The following KLHL1 variants were observed in gnomAD, a reference collection of about 807,000 sequenced individuals.
KLHL1 encodes the protein kelch-like protein 1.
Under a neutral mutation model 77.7 loss-of-function variants are expected in KLHL1, and 47 were observed. That is an observed-to-expected ratio of 0.60 (90% confidence interval 0.48 to 0.77). KLHL1 has a LOEUF of 0.77. Ranked by LOEUF, KLHL1 falls within the 30% of genes least tolerant of loss-of-function variation. The pLI is 0.00. For missense variants in KLHL1, 925 were observed against 910.8 expected (o/e 1.02, Z -0.20); for synonymous variants, 360 against 325.2 (o/e 1.11, Z -1.15).
At chr13:69,816,011 C>A (rs976603211) in intron 6 of KLHL1, among the ~76,000 whole-genome samples, 34 of 151,354 alleles carry the variant, frequency 2.2e-4, no homozygotes, top group African/African-American at 7.5e-4. Flanking sequence ...AAAATAGAAA[C>A]CTCAAAATAA....
chr13:69,754,094 A>C (rs1874606029), intron 7 of KLHL1, among the ~76,000 whole-genome samples: 1 of 151,906 alleles, frequency 6.6e-6, no homozygotes, highest in African/African-American at 2.4e-5. Context: ...CACCTGCCTC[A>C]GCCTCCCAAA....
intron 1 of KLHL1, among the ~76,000 whole-genome samples, chr13:70,028,979 T>TAAA (rs5804464): frequency 2.0e-3 from 301 of 146,972 alleles, no homozygotes; most frequent in Non-Finnish European, 3.3e-3. Context: ...GAAAACTTGT[T>TAAA]AAAAAAAAAA....
At chr13:69,995,452 T>C (rs1358303681) in intron 1 of KLHL1, among the ~76,000 whole-genome samples, 1 of 152,136 alleles carries the variant, frequency 6.6e-6, no homozygotes, top group African/African-American at 2.4e-5. Flanking sequence ...AGTCATCATG[T>C]ATTATTATGC....
intron 1 of KLHL1, among the ~76,000 whole-genome samples, chr13:70,098,329 C>T (rs750823342): frequency 2.0e-5 from 3 of 151,794 alleles, no homozygotes; most frequent in East Asian, 3.9e-4. Context: ...TTTATTTTTG[C>T]TAATTATCTA....
At chr13:69,838,449 T>G (rs1879116218) in intron 6 of KLHL1, among the ~76,000 whole-genome samples, 1 of 151,838 alleles carries the variant, frequency 6.6e-6, no homozygotes, top group Non-Finnish European at 1.5e-5. Flanking sequence ...AATCTTCAAA[T>G]GCATATGTTT....
At chr13:70,037,605 C>G (rs950084336) in intron 1 of KLHL1, among the ~76,000 whole-genome samples, 1 of 151,820 alleles carries the variant, frequency 6.6e-6, no homozygotes, top group East Asian at 1.9e-4. Context: ...TCTTTAGTTT[C>G]TTTTTTTCTT....
chr13:70,092,435 ATAT>A (rs1220955116), intron 1 of KLHL1, among the ~76,000 whole-genome samples: 1 of 152,170 alleles, frequency 6.6e-6, no homozygotes, highest in Non-Finnish European at 1.5e-5. Context: ...TTAAAATAAT[ATAT>A]TAAACTCTGT....
At chr13:69,831,680 A>G (rs1298484255) in intron 6 of KLHL1, among the ~76,000 whole-genome samples, 1 of 150,052 alleles carries the variant, frequency 6.7e-6, no homozygotes, top group East Asian at 1.9e-4. Context: ...CCTAATACAC[A>G]TATATGCAAA....
At chr13:69,999,656 G>T (rs1159246454) in intron 1 of KLHL1, among the ~76,000 whole-genome samples, 1 of 151,990 alleles carries the variant, frequency 6.6e-6, no homozygotes, top group African/African-American at 2.4e-5. Context: ...GAGACTGACT[G>T]GGATGGCACC....
At chr13:69,765,775 G>A (rs1439232688) in intron 7 of KLHL1, among the ~76,000 whole-genome samples, 1 of 152,108 alleles carries the variant, frequency 6.6e-6, no homozygotes, top group Non-Finnish European at 1.5e-5. Context: ...AACCACCCAG[G>A]CAATGCTACC....
At chr13:69,907,067 T>A (rs969176905) in intron 4 of KLHL1, among the ~76,000 whole-genome samples, 3 of 152,050 alleles carry the variant, frequency 2.0e-5, no homozygotes, top group Admixed American at 6.6e-5. Flanking sequence ...TTGCAATCTG[T>A]GTCACTTATT....
intron 9 of KLHL1, among the ~76,000 whole-genome samples, chr13:69,715,149 A>G (rs1876060359): frequency 1.3e-5 from 2 of 152,162 alleles, no homozygotes; most frequent in Admixed American, 6.5e-5. Context: ...TGCTGCATCT[A>G]CTTAGAAAGC....
chr13:69,903,655 T>TTTTTTTTTTTTTTTTTTTTTTTC (rs1881949415), intron 4 of KLHL1, among the ~76,000 whole-genome samples: 1 of 131,524 alleles, frequency 7.6e-6, no homozygotes, highest in Non-Finnish European at 1.6e-5. Context: ...TTTTTTTTTT[T>TTTTTTTTTTTTTTTTTTTTTTTC]TTTTTGAGAT....
At chr13:69,820,968 G>C (rs1291133228) in intron 6 of KLHL1, among the ~76,000 whole-genome samples, 1 of 152,182 alleles carries the variant, frequency 6.6e-6, no homozygotes, top group Admixed American at 6.5e-5. Context: ...AAGCTCTGTG[G>C]ATCACCTTGT....
chr13:69,993,271 C>T (rs1459471111), intron 1 of KLHL1, among the ~76,000 whole-genome samples: 4 of 152,020 alleles, frequency 2.6e-5, no homozygotes, highest in Admixed American at 6.6e-5. Context: ...AACCACCACG[C>T]TTGTAAACAG....
At chr13:70,058,806 A>G (rs1193130950) in intron 1 of KLHL1, among the ~76,000 whole-genome samples, 1 of 152,214 alleles carries the variant, frequency 6.6e-6, no homozygotes, top group Non-Finnish European at 1.5e-5. Context: ...CCTGATTTCA[A>G]ATTACACTAC....
intron 7 of KLHL1, among the ~76,000 whole-genome samples, chr13:69,773,658 T>C (rs1386102995): frequency 6.6e-6 from 1 of 151,914 alleles, no homozygotes; most frequent in Non-Finnish European, 1.5e-5. Context: ...TCAAGGTCTT[T>C]CGAGTATGGA....
intron 6 of KLHL1, among the ~76,000 whole-genome samples, chr13:69,806,486 T>C (rs1224976859): frequency 6.6e-6 from 1 of 152,012 alleles, no homozygotes; most frequent in Admixed American, 6.6e-5. Flanking sequence ...CTTGGATTCA[T>C]CAGAGAAGAG....
At chr13:69,753,904 A>T (rs1874593396) in intron 7 of KLHL1, among the ~76,000 whole-genome samples, 1 of 151,950 alleles carries the variant, frequency 6.6e-6, no homozygotes, top group Non-Finnish European at 1.5e-5. Flanking sequence ...TGGTGCAATC[A>T]CAGTTCACTG....
Sources: allele counts gnomAD v4.1 joint callset (sites outside exome capture counted in the v4.1 genomes callset), GRCh38; gene constraint gnomAD v4.1.1; transcripts MANE v1.5; gene names NCBI Gene and HGNC (gene_info 2026-07-23, HGNC 2026-07-21).